The following CACYBP variants were observed in gnomAD, a reference collection of about 807,000 sequenced individuals.
CACYBP encodes the protein calcyclin binding protein, also known as calcyclin-binding protein.
Under a neutral mutation model 29.6 loss-of-function variants are expected in CACYBP, and 11 were observed. The ratio of observed to expected loss-of-function variants is 0.37; its 90% CI spans 0.23 to 0.61. The LOEUF (loss-of-function observed/expected upper bound fraction) is 0.61, where lower values mean the gene tolerates loss of function less well. CACYBP is among the 20% of genes least tolerant of loss of function. CACYBP has a pLI of 0.65. For missense variants in CACYBP, 163 were observed against 260.7 expected (o/e 0.63, Z 2.58); for synonymous variants, 73 against 88.3 (o/e 0.83, Z 0.97).
At chr1:175,008,954 G>A (rs998326479) in intron 5 of CACYBP, 1 of 386,014 alleles carries the variant, frequency 2.6e-6, no homozygotes, top group Middle Eastern at 7.0e-4. Context: ...ACTCTGTTTC[G>A]GTAGTTTGAG....
chr1:175,009,834 C>G, intron 5 of CACYBP, 89 bp from the exon 6 acceptor site: 1 of 987,894 alleles, frequency 1.0e-6, no homozygotes, highest in South Asian at 1.7e-5. Context: ...CTTCTTATCC[C>G]TCTACTTCCT....
At chr1:175,007,277 G>A in intron 4 of CACYBP, 80 bp downstream of exon 4, 2 of 828,254 alleles carry the variant, frequency 2.4e-6, no homozygotes. Flanking sequence ...AGATGAACTG[G>A]AATGAATTTG....
chr1:175,000,798 T>C (rs1672457870), intron 1 of CACYBP, among the ~76,000 whole-genome samples: 1 of 152,250 alleles, frequency 6.6e-6, no homozygotes, highest in African/African-American at 2.4e-5. Context: ...ATTTTTAAAA[T>C]AAATAACTTG....
chr1:175,009,652 A>AAC (rs1672700769), intron 5 of CACYBP, among the ~76,000 whole-genome samples: 1 of 152,042 alleles, frequency 6.6e-6, no homozygotes, highest in African/African-American at 2.4e-5. Flanking sequence ...TCAAAAAAAA[A>AAC]AAAAAAAAAA....
chr1:175,000,433 C>T (rs1672443331), intron 1 of CACYBP: 1 of 1,379,554 alleles, frequency 7.2e-7, no homozygotes, highest in Non-Finnish European at 9.4e-7. Context: ...GGGTGTGCGG[C>T]GATTATCCGT....
rs1192023655 is a variant in CACYBP, at chr1:175,000,118, C to A, written c.-63C>A. ...CTGCGCTCGGTTTGAGGGCTCGGCG[C>A]GGGGTTTCCTGTTCCTCCTTCTGCG... On this transcript the variant is annotated 5_prime_UTR_variant, in exon 1 of 6. Coordinates refer to ENST00000367679, the MANE Select transcript of CACYBP (RefSeq NM_014412.3). 13 of 1,567,150 alleles carry A rather than the reference C, an allele frequency of 8.3e-6. No individual in the cohort carries two copies. The East Asian group carries it at 1.2e-4, about 14-fold the overall frequency.
Position 175,009,955 on chromosome 1 carries a change from G to T in CACYBP, c.563G>T (p.Ser188Ile), listed in dbSNP as rs747598747. The T allele has an allele frequency of 1.2e-6, 2 of 1,613,254 alleles. No individual in the cohort carries two copies. The highest frequency in any genetic ancestry group is 1.7e-6 in the Non-Finnish European group (2 of 1,179,384). The change falls in exon 6 of 6, where the codon AGT (serine) becomes ATT (isoleucine). Residue 188 changes from serine (S) to isoleucine (I), a missense_variant. Coordinates refer to ENST00000367679, the MANE Select transcript of CACYBP (RefSeq NM_014412.3). ...KPSYDTETDPSEGLMNVLKKI... is the reference protein window; with the variant it reads ...KPSYDTETDPIEGLMNVLKKI... ...TCCTATGACACTGAAACAGATCCTA[G>T]TGAGGGATTGATGAATGTTCTAAAG...
At chr1:175,002,131 G>A (rs757218377) in intron 1 of CACYBP, among the ~76,000 whole-genome samples, 9 of 152,100 alleles carry the variant, frequency 5.9e-5, no homozygotes, top group Non-Finnish European at 1.0e-4. Flanking sequence ...TCAGTTCTCT[G>A]GGGTATATAC....
At chr1:175,003,586 TA>T (rs1314338767) in intron 1 of CACYBP, among the ~76,000 whole-genome samples, 2 of 152,268 alleles carry the variant, frequency 1.3e-5, no homozygotes, top group African/African-American at 4.8e-5. Context: ...GTGCGTCTGA[TA>T]TTCTGAGTTA....
At chr1:175,002,115 G>A (rs556189853) in intron 1 of CACYBP, among the ~76,000 whole-genome samples, 1 of 152,286 alleles carries the variant, frequency 6.6e-6, no homozygotes, top group Admixed American at 6.5e-5. Context: ...TTGTGTGGAT[G>A]TGTTTTCAGT....
chr1:175,004,524 C>CTTA (rs1574108367), intron 1 of CACYBP, 90 bp from the exon 2 acceptor site: 1 of 757,206 alleles, frequency 1.3e-6, no homozygotes, highest in South Asian at 2.1e-5. Context: ...ATTCTTAGTG[C>CTTA]TTATTTCAGT....
At chr1:175,002,546 A>G (rs6425310) in intron 1 of CACYBP, among the ~76,000 whole-genome samples, 114,653 of 152,154 alleles carry the variant, frequency 0.75, 44,313 homozygotes, top group African/African-American at 0.94. Flanking sequence ...GGGATAAAAG[A>G]GAAATAAAAT....
rs542212217 is a variant in CACYBP at position 175,000,302 on chromosome 1, G to C, written c.15+107G>C. On this transcript the variant is annotated intron_variant, in intron 1 of 5. Coordinates refer to ENST00000367679, the MANE Select transcript of CACYBP (RefSeq NM_014412.3). ...GGCTGAGCCGCCCTGCGGCCACCCG[G>C]TCCCGCGCCAGTCAGTGCGCCGCCT... 12 of 1,510,996 alleles carry C rather than the reference G, an allele frequency of 7.9e-6. No individual in the cohort carries two copies. In the African/African-American group the frequency reaches 1.4e-4, roughly 18 times the overall value. 93.6% of individuals were successfully genotyped at this position (1,510,996 alleles called of 1,614,324 possible). A position where few individuals can be genotyped will look rare whatever the true frequency, so the allele number is the denominator to read the frequency against.
intron 2 of CACYBP, among the ~76,000 whole-genome samples, chr1:175,005,812 A>C (rs540881747): frequency 1.3e-5 from 2 of 152,310 alleles, no homozygotes; most frequent in South Asian, 4.1e-4. Flanking sequence ...CGGAGGATGG[A>C]CTGACTGAAT....
rs554281043 is a variant in CACYBP at position 175,000,119 on chromosome 1, G to A, written c.-62G>A. 1.9e-6 allele frequency: 3 copies of A among 1,568,966 alleles called. No individual in the cohort carries two copies. The highest frequency in any genetic ancestry group is 2.6e-6 in the Non-Finnish European group (3 of 1,156,348). Reference sequence around the variant, plus strand: ...TGCGCTCGGTTTGAGGGCTCGGCGCGGGGTTTCCTGTTCCTCCTTCTGCGC... The same window carrying A: ...TGCGCTCGGTTTGAGGGCTCGGCGCAGGGTTTCCTGTTCCTCCTTCTGCGC... On this transcript the variant is annotated 5_prime_UTR_variant, in exon 1 of 6. Coordinates refer to ENST00000367679, the MANE Select transcript of CACYBP (RefSeq NM_014412.3).
At chr1:175,003,065 T>C (rs1440664691) in intron 1 of CACYBP, among the ~76,000 whole-genome samples, 1 of 151,936 alleles carries the variant, frequency 6.6e-6, no homozygotes, top group East Asian at 1.9e-4. Context: ...CATAGTAATA[T>C]GAGCTGTTCT....
intron 1 of CACYBP, chr1:175,000,416 C>G (rs1416458362): frequency 2.9e-6 from 4 of 1,392,334 alleles, no homozygotes; most frequent in Admixed American, 3.3e-5. Context: ...CTGCTGGGCT[C>G]GAGCGGGGGT....
At chr1:175,009,063 T>C (rs1462629452) in intron 5 of CACYBP, among the ~76,000 whole-genome samples, 3 of 152,242 alleles carry the variant, frequency 2.0e-5, no homozygotes, top group African/African-American at 7.2e-5. Context: ...AAAATATTTT[T>C]ATCCTTCTTA....
rs916459779 is a variant in CACYBP at position 175,008,515 on chromosome 1, G to A, written c.433-94G>A. The A allele has an allele frequency of 3.9e-5, 28 of 712,894 alleles. No homozygotes were observed. The South Asian group carries it at 4.7e-4, about 12-fold the overall frequency. The allele number at this position is 712,894 out of a possible 1,614,324, so 44.2% of individuals were successfully genotyped here. A position where few individuals can be genotyped will look rare whatever the true frequency, so the allele number is the denominator to read the frequency against. On this transcript the variant is annotated intron_variant, in intron 4 of 5. Coordinates refer to ENST00000367679, the MANE Select transcript of CACYBP (RefSeq NM_014412.3). ...CCCAAAATAAGTCTATACATACTAG[G>A]GACTTGATCAATTGAATAGATAATT... is the stretch of plus-strand genomic sequence containing the variant.
Sources: gnomAD v4.1 joint callset for allele counts (sites outside exome capture counted in the v4.1 genomes callset) on GRCh38, gnomAD v4.1.1 for gene constraint, MANE v1.5 for transcripts, NCBI Gene and HGNC (gene_info 2026-07-23, HGNC 2026-07-21) for gene names.